PCDHA10: variants seen among roughly 807,000 people sequenced by gnomAD.
PCDHA10 encodes the protein protocadherin alpha-10.
In PCDHA10, 45 loss-of-function variants were observed where a neutral mutation model predicts 61.2. That is an observed-to-expected ratio of 0.74 (90% CI 0.58 to 0.94). PCDHA10 has a LOEUF of 0.94. Ranked by LOEUF, PCDHA10 falls within the 40% of genes least tolerant of loss-of-function variation. The pLI, the probability that PCDHA10 is intolerant of heterozygous loss-of-function variation, is 0.00. For missense variants in PCDHA10, 1,278 were observed against 1,236.2 expected, an observed-to-expected ratio of 1.03 and a Z score of -0.51; for synonymous variants, 602 against 548.8, an observed-to-expected ratio of 1.10 and a Z score of -1.35.
chr5:140,951,548 G>A (rs1314618918), intron 1 of PCDHA10, among the ~76,000 whole-genome samples: 1 of 151,910 alleles, frequency 6.6e-6, no homozygotes, highest in African/African-American at 2.4e-5. Flanking sequence ...AGGGACGGGG[G>A]GAAGTGCTAC....
At chr5:141,004,833 C>A (rs1421886072) in intron 3 of PCDHA10, among the ~76,000 whole-genome samples, 1 of 152,168 alleles carries the variant, frequency 6.6e-6, no homozygotes, top group Non-Finnish European at 1.5e-5. Flanking sequence ...TTAGATAGAT[C>A]AAAGTCATTA....
chr5:140,926,659 C>T, intron 1 of PCDHA10: 1 of 531,904 alleles, frequency 1.9e-6, no homozygotes, highest in Non-Finnish European at 3.0e-6. Context: ...CTCCGCTTTC[C>T]CAGACGGCTG....
At chr5:140,884,519 T>G in intron 1 of PCDHA10, 1 of 1,614,042 alleles carries the variant, frequency 6.2e-7, no homozygotes, top group Non-Finnish European at 8.5e-7. Context: ...TTGGTCGTAC[T>G]CGCAGCAGAG....
At chr5:140,908,529 T>C (rs1250814293) in intron 1 of PCDHA10, among the ~76,000 whole-genome samples, 1 of 152,178 alleles carries the variant, frequency 6.6e-6, no homozygotes, top group Non-Finnish European at 1.5e-5. Flanking sequence ...AAATGTTCAG[T>C]TTCCACCAAA....
intron 1 of PCDHA10, among the ~76,000 whole-genome samples, chr5:140,961,843 G>T (rs1244708157): frequency 1.3e-5 from 2 of 151,972 alleles, no homozygotes; most frequent in Non-Finnish European, 2.9e-5. Flanking sequence ...CAGTGCCTTG[G>T]AAGATCATTT....
intron 3 of PCDHA10, among the ~76,000 whole-genome samples, chr5:140,984,079 G>A (rs1554245959): frequency 2.0e-5 from 3 of 152,244 alleles, no homozygotes; most frequent in Admixed American, 2.0e-4. Context: ...CAACGATGGA[G>A]TGAAGAAATG....
At chr5:140,874,328 T>G (rs937817026) in intron 1 of PCDHA10, among the ~76,000 whole-genome samples, 1 of 144,806 alleles carries the variant, frequency 6.9e-6, no homozygotes, top group African/African-American at 2.9e-5. Flanking sequence ...TCTTATCTGT[T>G]TTTTTCTCTT....
intron 1 of PCDHA10, among the ~76,000 whole-genome samples, chr5:140,880,565 A>T (rs1554171321): frequency 6.6e-6 from 1 of 152,206 alleles, no homozygotes; most frequent in Non-Finnish European, 1.5e-5. Flanking sequence ...TGAGGTTGAG[A>T]ATTTGAGAAG....
At chr5:140,870,010 G>A in intron 1 of PCDHA10, 1 of 1,613,560 alleles carries the variant, frequency 6.2e-7, no homozygotes, top group Non-Finnish European at 8.5e-7. Context: ...AGAAGTGAGG[G>A]TCAATGGAAC....
intron 1 of PCDHA10, chr5:140,882,822 G>C: frequency 6.2e-7 from 1 of 1,614,198 alleles, no homozygotes; most frequent in South Asian, 1.1e-5. Context: ...GCACAAAACA[G>C]TCTTGAGCAA....
At chr5:140,924,894 CAAAAA>C (rs782133089) in intron 1 of PCDHA10, among the ~76,000 whole-genome samples, 149 of 71,508 alleles carry the variant, frequency 2.1e-3, no homozygotes, top group African/African-American at 5.7e-3. Context: ...GAACCTGTCT[CAAAAA>C]AAAAAATAAA....
At chr5:140,947,439 G>C (rs2094135272) in intron 1 of PCDHA10, among the ~76,000 whole-genome samples, 1 of 151,638 alleles carries the variant, frequency 6.6e-6, no homozygotes, top group African/African-American at 2.4e-5. Flanking sequence ...AAAATCAGCT[G>C]TGAAATCCTC....
At chr5:140,941,553 G>T in intron 1 of PCDHA10, among the ~76,000 whole-genome samples, 1 of 151,656 alleles carries the variant, frequency 6.6e-6, no homozygotes, top group East Asian at 2.0e-4. Context: ...CTGACCTCGT[G>T]ATCCATTCGC....
In PCDHA10 at chr5:140,856,865, A is replaced by G; in HGVS notation, c.817A>G (p.Asn273Asp). ...LNASDSDEGI[N>D]KEMMYSFSSL... is the part of the protein sequence containing the mutation. ...CGCTTCTGATTCGGATGAAGGAATA[A>G]ACAAGGAAATGATGTATTCATTTAG... Residue 273 changes from asparagine (N) to aspartate (D), a missense_variant, in exon 1 of 4, where the codon AAC (asparagine) becomes GAC (aspartate). Transcript: ENST00000307360. 1.3e-6 allele frequency: 2 copies of G among 1,595,810 alleles called. No individual in the cohort carries two copies. Among genetic ancestry groups the G allele is most frequent in the African/African-American group, 1.3e-5 (1 of 74,388 alleles).
At chr5:140,956,217 T>A (rs1554222303) in intron 1 of PCDHA10, among the ~76,000 whole-genome samples, 1 of 152,208 alleles carries the variant, frequency 6.6e-6, no homozygotes, top group Non-Finnish European at 1.5e-5. Context: ...GGCATCCTTG[T>A]CTTGTGCTGG....
At chr5:140,936,163 G>A (rs2090818025) in intron 1 of PCDHA10, among the ~76,000 whole-genome samples, 1 of 152,090 alleles carries the variant, frequency 6.6e-6, no homozygotes, top group African/African-American at 2.4e-5. Flanking sequence ...AAAGTGCTGG[G>A]ATTAGAGGCC....
At chr5:140,884,115 T>C (rs782303871) in intron 1 of PCDHA10, 2 of 1,613,170 alleles carry the variant, frequency 1.2e-6, no homozygotes, top group African/African-American at 2.7e-5. Context: ...CTGGCGGCGG[T>C]CGGCGCGCGC....
chr5:140,974,578 C>A (rs1554236214), intron 1 of PCDHA10, among the ~76,000 whole-genome samples: 1 of 152,170 alleles, frequency 6.6e-6, no homozygotes, highest in Non-Finnish European at 1.5e-5. Flanking sequence ...ATGGCATGAT[C>A]TTGGCTCACT....
At chr5:140,880,554 A>T (rs546471112) in intron 1 of PCDHA10, among the ~76,000 whole-genome samples, 1 of 152,360 alleles carries the variant, frequency 6.6e-6, no homozygotes, top group South Asian at 2.1e-4. Flanking sequence ...ACTGATGGAA[A>T]TGAGGTTGAG....
Sources: gnomAD v4.1 joint callset for allele counts (sites outside exome capture counted in the v4.1 genomes callset) on GRCh38, gnomAD v4.1.1 for gene constraint, MANE v1.5 for transcripts, NCBI Gene and HGNC (gene_info 2026-07-23, HGNC 2026-07-21) for gene names.